The following DPP6 variants were observed in gnomAD, a reference collection of about 807,000 sequenced individuals.
DPP6 encodes A-type potassium channel modulatory protein DPP6.
DPP6 carries 69 observed loss-of-function variants against 122.6 expected under a neutral mutation model. That is an observed-to-expected ratio of 0.56 (90% CI 0.46 to 0.69). The LOEUF (loss-of-function observed/expected upper bound fraction) is 0.69. DPP6 is among the 30% of genes least tolerant of loss of function. The probability of loss-of-function intolerance (pLI) is 0.00; values close to 1 mark genes in which losing one functional copy is unlikely to be tolerated. For missense variants in DPP6, 928 were observed against 1,116.9 expected, an observed-to-expected ratio of 0.83 and a Z score of 2.41; for synonymous variants, 418 against 433.1, an observed-to-expected ratio of 0.97 and a Z score of 0.43.
rs59952949 is a variant in DPP6, at chr7:154,667,584, G to A, written c.681-1776G>A. 7.7e-3 allele frequency among the ~76,000 whole-genome samples: 1,175 copies of A among 152,166 alleles called. 16 individuals carry two copies. The highest frequency in any genetic ancestry group is 0.041 in the Middle Eastern group (12 of 294). ...CTAAAAATACAAAAATTCGCCAGGCGTCGTGGCAGGTGCCTATAATCCCAG... is the reference window on the plus strand; with the variant it reads ...CTAAAAATACAAAAATTCGCCAGGCATCGTGGCAGGTGCCTATAATCCCAG... On this transcript the variant is annotated intron_variant, in intron 6 of 25. Coordinates refer to ENST00000377770, the MANE Select transcript of DPP6 (RefSeq NM_130797.4).
At chr7:154,285,974 C>A (rs890444726) in intron 1 of DPP6, among the ~76,000 whole-genome samples, 2 of 152,168 alleles carry the variant, frequency 1.3e-5, no homozygotes, top group African/African-American at 4.8e-5. Flanking sequence ...TCTCAAGAAC[C>A]ATTTGTCATC....
intron 1 of DPP6, among the ~76,000 whole-genome samples, chr7:154,279,139 A>ATG (rs1336256885): frequency 7.0e-6 from 1 of 143,616 alleles, no homozygotes; most frequent in Non-Finnish European, 1.5e-5. Context: ...GTGTGTATCT[A>ATG]TGTGTGTGTG....
At chr7:153,770,048 G>A in the DPP6 span, among the ~76,000 whole-genome samples, 1 of 152,152 alleles carries the variant, frequency 6.6e-6, no homozygotes, top group Admixed American at 6.5e-5. Context: ...AGAGTGCAGA[G>A]AAAACTTTCT....
chr7:154,631,329 C>G (rs897453110), intron 5 of DPP6, among the ~76,000 whole-genome samples: 4 of 152,206 alleles, frequency 2.6e-5, no homozygotes, highest in African/African-American at 9.7e-5. Flanking sequence ...GGAACAGCTC[C>G]TGTTGCCTTC....
In DPP6 at chr7:154,158,959, GCCTCCT is replaced by G. The variant is rs146336983; in HGVS notation, c.243+105899_243+105904del. Reference sequence around the variant, plus strand: ...CACACTGTCCCATCTTCAACTCAGAGCCTCCTCCCATTCCCCGCTGGGACTGGAGTC... The same window carrying G: ...CACACTGTCCCATCTTCAACTCAGAGCCCATTCCCCGCTGGGACTGGAGTC... On this transcript the variant is annotated intron_variant, in intron 1 of 25. Coordinates refer to ENST00000377770, the MANE Select transcript of DPP6 (RefSeq NM_130797.4). Among the ~76,000 whole-genome samples, 166 of 152,126 alleles carry G rather than the reference GCCTCCT, an allele frequency of 1.1e-3. 1 individual carries two copies. In the East Asian group the frequency reaches 0.027, roughly 24 times the overall value.
chr7:154,704,800 A>C (rs751709665), intron 7 of DPP6, among the ~76,000 whole-genome samples: 3 of 152,252 alleles, frequency 2.0e-5, no homozygotes, highest in Non-Finnish European at 4.4e-5. Flanking sequence ...GTTGGAAACC[A>C]AAAGATTTCT....
chr7:154,511,040 A>G (rs1826052426), intron 3 of DPP6, among the ~76,000 whole-genome samples: 1 of 152,010 alleles, frequency 6.6e-6, no homozygotes, highest in South Asian at 2.1e-4. Flanking sequence ...CCATGCAGTA[A>G]ATATTCTTGC....
chr7:154,667,482 C>T (rs80241340), intron 6 of DPP6, among the ~76,000 whole-genome samples: 13,051 of 152,232 alleles, frequency 0.086, 662 homozygotes, highest in East Asian at 0.16. Context: ...AATTCCAGCA[C>T]TTTGGGAGGC....
At chr7:153,771,020 T>C in the DPP6 span, among the ~76,000 whole-genome samples, 1 of 152,252 alleles carries the variant, frequency 6.6e-6, no homozygotes, top group African/African-American at 2.4e-5. Flanking sequence ...AAAAGTATGA[T>C]AGAGATTTGA....
intron 1 of DPP6, among the ~76,000 whole-genome samples, chr7:153,940,897 A>G (rs62484169): frequency 0.14 from 21,738 of 152,126 alleles, 1,785 homozygotes; most frequent in African/African-American, 0.22. Flanking sequence ...ACCAGATTGC[A>G]GCTCCGAAAT....
intron 1 of DPP6, among the ~76,000 whole-genome samples, chr7:154,182,671 C>T (rs1244842670): frequency 6.6e-6 from 1 of 152,022 alleles, no homozygotes; most frequent in Non-Finnish European, 1.5e-5. Flanking sequence ...GAAGTATCCT[C>T]CGTCTTCATG....
At chr7:154,771,318 G>A (rs1796237584) in intron 9 of DPP6, among the ~76,000 whole-genome samples, 1 of 152,226 alleles carries the variant, frequency 6.6e-6, no homozygotes, top group Non-Finnish European at 1.5e-5. Flanking sequence ...TTTGGCAGCT[G>A]GAAGTCCAAG....
intron 1 of DPP6, among the ~76,000 whole-genome samples, chr7:154,154,891 A>G (rs1378492291): frequency 6.6e-6 from 1 of 152,206 alleles, no homozygotes; most frequent in African/African-American, 2.4e-5. Flanking sequence ...CTGCAGAGCC[A>G]GGGCAGAGAG....
intron 1 of DPP6, among the ~76,000 whole-genome samples, chr7:154,214,868 T>C (rs1799916784): frequency 1.3e-5 from 2 of 152,264 alleles, no homozygotes; most frequent in South Asian, 4.1e-4. Flanking sequence ...CTGTGAGTCA[T>C]GACTGTGCTG....
chr7:154,684,411 C>T (rs527415575), intron 7 of DPP6, among the ~76,000 whole-genome samples: 2 of 152,338 alleles, frequency 1.3e-5, no homozygotes, highest in Admixed American at 1.3e-4. Flanking sequence ...TGTTAGTAAG[C>T]ATTAAATACG....
At chr7:154,379,012 T>C (rs1236589947) in intron 1 of DPP6, among the ~76,000 whole-genome samples, 1 of 152,156 alleles carries the variant, frequency 6.6e-6, no homozygotes, top group African/African-American at 2.4e-5. Context: ...TTCCAGATGA[T>C]ATTTGGGTGG....
intron 8 of DPP6, among the ~76,000 whole-genome samples, chr7:154,768,069 G>A (rs980509535): frequency 6.6e-6 from 1 of 152,216 alleles, no homozygotes; most frequent in East Asian, 1.9e-4. Context: ...CTTAGAGCCT[G>A]GCTCCTGCTC....
chr7:154,176,062 A>G (rs1797788546), intron 1 of DPP6, among the ~76,000 whole-genome samples: 2 of 152,162 alleles, frequency 1.3e-5, no homozygotes, highest in Admixed American at 1.3e-4. Context: ...GCTGAAGTGG[A>G]TACATATTTT....
At chr7:153,988,290 C>T (rs1420989024) in intron 1 of DPP6, among the ~76,000 whole-genome samples, 5 of 152,012 alleles carry the variant, frequency 3.3e-5, no homozygotes, top group South Asian at 4.2e-4. Context: ...CGCGGAGCTC[C>T]GGGGGTCTGA....
Sources: allele counts gnomAD v4.1 joint callset (sites outside exome capture counted in the v4.1 genomes callset), GRCh38; gene constraint gnomAD v4.1.1; transcripts MANE v1.5; gene names NCBI Gene and HGNC (gene_info 2026-07-23, HGNC 2026-07-21).